DOK6: variants seen among roughly 807,000 people sequenced by gnomAD.
The protein encoded by DOK6 is downstream of tyrosine kinase 6.
A neutral mutation model predicts 44.0 loss-of-function variants in DOK6; 22 were observed. The observed-to-expected ratio is 0.50, with a 90% CI of 0.36 to 0.71. The LOEUF (loss-of-function observed/expected upper bound fraction) is 0.71. Ranked by LOEUF, DOK6 falls within the 30% of genes least tolerant of loss-of-function variation. The pLI, the probability that DOK6 is intolerant of heterozygous loss-of-function variation, is 0.00. For synonymous variants in DOK6, 166 were observed against 145.5 expected, an observed-to-expected ratio of 1.14 and a Z score of -1.01; for missense variants, 340 against 416.4, an observed-to-expected ratio of 0.82 and a Z score of 1.60.
intron 5 of DOK6, among the ~76,000 whole-genome samples, chr18:69,726,659 A>G (rs34690537): frequency 0.15 from 22,501 of 151,470 alleles, 1,791 homozygotes; most frequent in Middle Eastern, 0.22. Flanking sequence ...ATGTATGTAT[A>G]TGTGTGTGTG....
At chr18:69,696,896 A>G (rs1216789199) in intron 4 of DOK6, among the ~76,000 whole-genome samples, 1 of 152,206 alleles carries the variant, frequency 6.6e-6, no homozygotes, top group Non-Finnish European at 1.5e-5. Context: ...ACTGCAGATA[A>G]TTAATGAGGC....
At chr18:69,765,838 T>C (rs1462879089) in intron 7 of DOK6, among the ~76,000 whole-genome samples, 1 of 152,138 alleles carries the variant, frequency 6.6e-6, no homozygotes, top group Non-Finnish European at 1.5e-5. Flanking sequence ...GATAGTATTA[T>C]CTCCCATGAT....
chr18:69,612,459 G>GCC lies in DOK6; in HGVS notation c.289+12961_289+12962insCC, dbSNP rs1491449478. 2.0e-5 allele frequency among the ~76,000 whole-genome samples: 3 copies of GCC among 148,244 alleles called. 1 individual carries two copies. Among genetic ancestry groups the GCC allele is most frequent in the Non-Finnish European group, 3.0e-5 (2 of 66,444 alleles). On this transcript the variant is annotated intron_variant, in intron 3 of 7. Coordinates refer to ENST00000382713, the MANE Select transcript of DOK6 (RefSeq NM_152721.6). ...TGTGCGAGGGCGCATGTGTGCGAGC[G>GCC]TGCATATGTATTTCTTGCTCTTTTC...
At position 69,509,487 on chromosome 18, in the gene DOK6, A is replaced by C. The variant is rs1239857624; in HGVS notation, c.67-55000A>C. Among the ~76,000 whole-genome samples the C allele has an allele frequency of 3.9e-5, 6 of 151,908 alleles. No individual in the cohort carries two copies. The East Asian group carries it at 9.7e-4, about 25-fold the overall frequency. ...CCCGTCTCTACTAAAAAATAGAAAA[A>C]ATTAGCCGGGCGTGGTGGCGGGCGC... On this transcript the variant is annotated intron_variant, in intron 1 of 7. Transcript: ENST00000382713.
chr18:69,828,840 G>C (rs1249710700), intron 7 of DOK6, among the ~76,000 whole-genome samples: 1 of 107,430 alleles, frequency 9.3e-6, no homozygotes, highest in Non-Finnish European at 2.1e-5. Context: ...AAAGAACCAA[G>C]CTTTGAGATG....
chr18:69,664,779 CT>C (rs1407515592), intron 3 of DOK6, among the ~76,000 whole-genome samples: 1 of 152,210 alleles, frequency 6.6e-6, no homozygotes, highest in Non-Finnish European at 1.5e-5. Flanking sequence ...AAAATGCCAT[CT>C]TGCCATGTGC....
At chr18:69,801,408 T>C (rs112518139) in intron 7 of DOK6, among the ~76,000 whole-genome samples, 3 of 152,186 alleles carry the variant, frequency 2.0e-5, no homozygotes, top group Admixed American at 6.6e-5. Context: ...ATAGTTCTAG[T>C]TTTAAATGAT....
rs966869163 is a variant in DOK6 at position 69,750,570 on chromosome 18, G to T, written c.739-7186G>T. On this transcript the variant is annotated intron_variant, in intron 6 of 7. Coordinates refer to ENST00000382713, the MANE Select transcript of DOK6 (RefSeq NM_152721.6). ...GAATGGCTATTATAAAAAGATGAAA[G>T]GTAACAAGTGCTGGTGACGACATGG... is the stretch of plus-strand genomic sequence containing the variant. Among the ~76,000 whole-genome samples the T allele has an allele frequency of 1.9e-4, 29 of 152,134 alleles. No individual in the cohort carries two copies. The East Asian group carries it at 3.8e-3, about 20-fold the overall frequency.
chr18:69,413,032 C>T (rs370373958), intron 1 of DOK6, among the ~76,000 whole-genome samples: 2 of 152,100 alleles, frequency 1.3e-5, no homozygotes, highest in Non-Finnish European at 2.9e-5. Flanking sequence ...TGAATACACA[C>T]ATTAAGCCAC....
intron 1 of DOK6, among the ~76,000 whole-genome samples, chr18:69,429,704 C>G (rs926921944): frequency 7.8e-5 from 11 of 140,354 alleles, no homozygotes; most frequent in African/African-American, 2.9e-4. Flanking sequence ...TCTTCCGTAC[C>G]ACCTCTAATG....
intron 1 of DOK6, among the ~76,000 whole-genome samples, chr18:69,536,573 G>A (rs1599179208): frequency 1.3e-5 from 2 of 152,120 alleles, no homozygotes; most frequent in African/African-American, 4.8e-5. Flanking sequence ...TTGACAAAAT[G>A]TTTGTGAATA....
intron 1 of DOK6, among the ~76,000 whole-genome samples, chr18:69,450,879 C>A (rs1295140238): frequency 4.0e-5 from 6 of 148,830 alleles, no homozygotes; most frequent in African/African-American, 1.5e-4. Context: ...TTGTCACCAC[C>A]AGGCCTGCCC....
At chr18:69,814,538 A>G (rs1327906866) in intron 7 of DOK6, among the ~76,000 whole-genome samples, 1 of 152,148 alleles carries the variant, frequency 6.6e-6, no homozygotes. Flanking sequence ...TCACACTGCT[A>G]TAAAGAACTA....
At chr18:69,522,382 A>T (rs913398784) in intron 1 of DOK6, among the ~76,000 whole-genome samples, 2 of 151,886 alleles carry the variant, frequency 1.3e-5, no homozygotes, top group Non-Finnish European at 2.9e-5. Flanking sequence ...AATAGAATCC[A>T]TTTTTTTCTG....
intron 3 of DOK6, among the ~76,000 whole-genome samples, chr18:69,646,909 C>T (rs563961263): frequency 1.3e-5 from 2 of 152,162 alleles, no homozygotes; most frequent in Admixed American, 6.5e-5. Flanking sequence ...TCCCACATTG[C>T]TAAGCATGCT....
chr18:69,659,667 G>A (rs534640717), intron 3 of DOK6, among the ~76,000 whole-genome samples: 2 of 152,078 alleles, frequency 1.3e-5, no homozygotes, highest in South Asian at 2.1e-4. Context: ...GTTTTGGAAT[G>A]TCTTGGAAAG....
At chr18:69,650,173 G>T (rs1194918277) in intron 3 of DOK6, among the ~76,000 whole-genome samples, 1 of 152,052 alleles carries the variant, frequency 6.6e-6, no homozygotes, top group East Asian at 1.9e-4. Context: ...AAAATTTTAG[G>T]ATTTTCTATG....
chr18:69,620,202 T>C (rs748962219), intron 3 of DOK6, among the ~76,000 whole-genome samples: 3 of 152,194 alleles, frequency 2.0e-5, no homozygotes, highest in Admixed American at 1.3e-4. Flanking sequence ...CATAGTAATA[T>C]GTATTTTTAA....
At chr18:69,455,696 G>T (rs1159894998) in intron 1 of DOK6, among the ~76,000 whole-genome samples, 1 of 152,160 alleles carries the variant, frequency 6.6e-6, no homozygotes, top group Non-Finnish European at 1.5e-5. Context: ...GATGGCAGAT[G>T]AGAAGAATGT....
Sources: allele counts gnomAD v4.1 joint callset (sites outside exome capture counted in the v4.1 genomes callset), GRCh38; gene constraint gnomAD v4.1.1; transcripts MANE v1.5; gene names NCBI Gene and HGNC (gene_info 2026-07-23, HGNC 2026-07-21).